MID1: variants seen among roughly 807,000 people sequenced by gnomAD.
MID1 encodes E3 ubiquitin-protein ligase Midline-1.
Under a neutral mutation model 40.4 loss-of-function variants are expected in MID1, and 7 were observed. The ratio of observed to expected loss-of-function variants is 0.17; its 90% CI spans 0.10 to 0.33. MID1 has a LOEUF of 0.33. MID1 is among the 10% of genes least tolerant of loss of function. The probability of loss-of-function intolerance (pLI) is 1.00; values close to 1 mark genes in which losing one functional copy is unlikely to be tolerated. For synonymous variants in MID1, 229 were observed against 221.2 expected (o/e 1.04, Z -0.31); for missense variants, 367 against 558.5 (o/e 0.66, Z 3.46).
intron 1 of MID1, among the ~76,000 whole-genome samples, chrX:10,776,374 G>T (rs1386646315): frequency 1.8e-5 from 2 of 111,960 alleles, no homozygotes; most frequent in East Asian, 2.8e-4. Context: ...CCAATGTCAG[G>T]CTTCTCATCA....
At chrX:10,776,326 C>T (rs1421760678) in intron 1 of MID1, among the ~76,000 whole-genome samples, 1 of 111,971 alleles carries the variant, frequency 8.9e-6, no homozygotes, top group East Asian at 2.8e-4. Flanking sequence ...GTGTAGAAGG[C>T]TTGATGCCTA....
intron 1 of MID1, among the ~76,000 whole-genome samples, chrX:10,761,857 C>T (rs1040121228): frequency 3.6e-5 from 4 of 112,038 alleles, no homozygotes; most frequent in Non-Finnish European, 7.5e-5. Context: ...GTTTGGTTTA[C>T]AGCATTGATT....
intron 1 of MID1, among the ~76,000 whole-genome samples, chrX:10,794,444 A>G (rs2043954886): frequency 8.9e-6 from 1 of 112,549 alleles, no homozygotes; most frequent in African/African-American, 3.2e-5. Flanking sequence ...CAGGCATTTA[A>G]GAGAAACCAG....
intron 1 of MID1, among the ~76,000 whole-genome samples, chrX:10,759,106 T>C (rs1362338841): frequency 8.9e-6 from 1 of 112,156 alleles, no homozygotes; most frequent in Non-Finnish European, 1.9e-5. Flanking sequence ...ACAACACGCA[T>C]GTATGCTATT....
chrX:10,708,070 G>T (rs963650374), intron 1 of MID1, among the ~76,000 whole-genome samples: 2 of 112,382 alleles, frequency 1.8e-5, no homozygotes, highest in African/African-American at 6.5e-5. Context: ...ATTGTATAAA[G>T]AGATGTTATC....
chrX:10,605,810 T>C (rs1204434745), intron 1 of MID1, among the ~76,000 whole-genome samples: 1 of 111,825 alleles, frequency 8.9e-6, no homozygotes. Context: ...ATTGAAGTGT[T>C]GCTTGAGTTT....
At chrX:10,516,355 C>T (rs1210628386) in intron 3 of MID1, among the ~76,000 whole-genome samples, 6 of 109,057 alleles carry the variant, frequency 5.5e-5, no homozygotes, top group African/African-American at 1.3e-4. Flanking sequence ...CCACCATGCC[C>T]GGCTAATTTT....
Position 10,699,571 on chromosome X carries a change from G to A in MID1, c.-186-79152C>T, listed in dbSNP as rs185711736. 4.5e-5 allele frequency among the ~76,000 whole-genome samples: 5 copies of A among 111,443 alleles called. No individual in the cohort carries two copies. In the East Asian group the frequency reaches 1.4e-3, roughly 31 times the overall value. On this transcript the variant is annotated intron_variant, in intron 1 of 10. Transcript: ENST00000380785. ...TCTCTGGCCCTGTATTGATAGAAGGGGCTGATCTTTCCCTGGAGCAGTTAC... is the reference window on the plus strand; with the variant it reads ...TCTCTGGCCCTGTATTGATAGAAGGAGCTGATCTTTCCCTGGAGCAGTTAC...
At chrX:10,640,603 C>G (rs1413285670) in intron 1 of MID1, among the ~76,000 whole-genome samples, 2 of 111,335 alleles carry the variant, frequency 1.8e-5, no homozygotes, top group Non-Finnish European at 3.8e-5. Flanking sequence ...TTAGACAAAT[C>G]AACAAGACAG....
chrX:10,693,193 C>CT (rs758493757), intron 1 of MID1, among the ~76,000 whole-genome samples: 1,817 of 93,288 alleles, frequency 0.019, 52 homozygotes, highest in African/African-American at 0.059. Context: ...GGTGTTTTAA[C>CT]TTTTTTTTTT....
intron 1 of MID1, among the ~76,000 whole-genome samples, chrX:10,784,242 C>A (rs935777491): frequency 2.7e-5 from 3 of 110,574 alleles, no homozygotes; most frequent in Non-Finnish European, 5.7e-5. Context: ...ATACAGAACT[C>A]CAAAGAACTT....
chrX:10,789,430 T>C (rs2043913248), intron 1 of MID1, among the ~76,000 whole-genome samples: 1 of 112,193 alleles, frequency 8.9e-6, no homozygotes, highest in African/African-American at 3.2e-5. Context: ...AGAGCTGCCC[T>C]TTACAGGTGT....
At chrX:10,484,758 C>G (rs16986151) in intron 4 of MID1, among the ~76,000 whole-genome samples, 7,701 of 111,396 alleles carry the variant, frequency 0.069, 562 homozygotes, top group African/African-American at 0.21. Flanking sequence ...GGAGGAATTT[C>G]CATTTCAACA....
intron 1 of MID1, among the ~76,000 whole-genome samples, chrX:10,802,939 C>T (rs1031660424): frequency 1.8e-5 from 2 of 111,667 alleles, no homozygotes; most frequent in African/African-American, 6.5e-5. Flanking sequence ...AAACCAAATA[C>T]CACATGTTCT....
chrX:10,623,361 T>C (rs1935962032), upstream of MID1, among the ~76,000 whole-genome samples: 1 of 107,130 alleles, frequency 9.3e-6, no homozygotes, highest in Non-Finnish European at 1.9e-5. Flanking sequence ...AAAGGTGAAG[T>C]GAGTAAAAGA....
At chrX:10,487,015 AATTTTT>A (rs1325871661) in intron 4 of MID1, among the ~76,000 whole-genome samples, 6 of 111,305 alleles carry the variant, frequency 5.4e-5, no homozygotes, top group Middle Eastern at 4.6e-3. Flanking sequence ...ACACCCGGCT[AATTTTT>A]ATTTTTATTT....
chrX:10,569,741 T>C (rs766913669), intron 1 of MID1, among the ~76,000 whole-genome samples: 40 of 111,528 alleles, frequency 3.6e-4, no homozygotes, highest in African/African-American at 1.2e-3. Context: ...AGAGGTGTGA[T>C]GAGAATTTCT....
intron 1 of MID1, among the ~76,000 whole-genome samples, chrX:10,753,447 T>C (rs2043611879): frequency 1.8e-5 from 2 of 110,829 alleles, no homozygotes; most frequent in African/African-American, 6.6e-5. Flanking sequence ...TTAATAGTTA[T>C]TAAATATATG....
intron 1 of MID1, among the ~76,000 whole-genome samples, chrX:10,779,319 TAC>T (rs1278884220): frequency 9.0e-6 from 1 of 111,683 alleles, no homozygotes. Context: ...TAGCTGGGAC[TAC>T]AGGCATGCAC....
Sources: gnomAD v4.1 joint callset for allele counts (sites outside exome capture counted in the v4.1 genomes callset) on GRCh38, gnomAD v4.1.1 for gene constraint, MANE v1.5 for transcripts, NCBI Gene and HGNC (gene_info 2026-07-23, HGNC 2026-07-21) for gene names.